The following CFAP100 variants were observed in gnomAD, a reference collection of about 807,000 sequenced individuals.
The protein encoded by CFAP100 is cilia- and flagella-associated protein 100.
A neutral mutation model predicts 81.5 loss-of-function variants in CFAP100; 70 were observed. The ratio of observed to expected loss-of-function variants is 0.86; its 90% CI spans 0.71 to 1.05. CFAP100 has a LOEUF of 1.05. Among genes scored for constraint, CFAP100 ranks in the 50% least tolerant of loss-of-function variants. The probability of loss-of-function intolerance (pLI) is 0.00; values close to 1 mark genes in which losing one functional copy is unlikely to be tolerated. For missense variants in CFAP100, 811 were observed against 776.5 expected, an observed-to-expected ratio of 1.04 and a Z score of -0.53; for synonymous variants, 341 against 314.8, an observed-to-expected ratio of 1.08 and a Z score of -0.88.
intron 4 of CFAP100, among the ~76,000 whole-genome samples, chr3:126,415,366 C>G (rs1005247241): frequency 4.0e-5 from 6 of 149,916 alleles, no homozygotes; most frequent in Admixed American, 4.0e-4. Context: ...ACCTCCCCTA[C>G]CCGGCAGGCT....
At chr3:126,435,488 G>GA in intron 15 of CFAP100, 71 bp from the exon 16 acceptor site, 1 of 1,305,578 alleles carries the variant, frequency 7.7e-7, no homozygotes, top group East Asian at 2.4e-5. Context: ...CCTGGCCTGG[G>GA]GACTCCGTGT....
chr3:126,435,555 C>G lies in CFAP100; in HGVS notation c.1629-4C>G, dbSNP rs1933412241. The G allele has an allele frequency of 1.2e-6, 2 of 1,609,758 alleles. No homozygotes were observed. Among genetic ancestry groups the G allele is most frequent in the African/African-American group, 2.7e-5 (2 of 74,892 alleles). On this transcript the variant is annotated splice_polypyrimidine_tract_variant and splice_region_variant and intron_variant, in intron 15 of 16. Coordinates refer to ENST00000352312, the MANE Select transcript of CFAP100 (RefSeq NM_182628.3). ...AGTTTTCAATGTCATTTCTTGCCAC[C>G]CAGACTTCGAGAAGAGAAGCTCCAG...
rs57416415 is a variant in CFAP100, at chr3:126,417,651, C to G, written c.419-807C>G. ...TGACTGGGGAGGCGGGACTATGACT[C>G]CCAGAGAGGAGCTGGGTCTCCTGCA... On this transcript the variant is annotated intron_variant, in intron 5 of 16. Coordinates refer to ENST00000352312, the MANE Select transcript of CFAP100 (RefSeq NM_182628.3). 4.5e-3 allele frequency among the ~76,000 whole-genome samples: 681 copies of G among 152,328 alleles called. 6 individuals are homozygous for G. The highest frequency in any genetic ancestry group is 0.015 in the African/African-American group (639 of 41,576).
intron 13 of CFAP100, 190 bp from the exon 14 acceptor site, chr3:126,432,879 T>C: frequency 2.1e-6 from 1 of 485,346 alleles, no homozygotes; most frequent in Admixed American, 3.8e-5. Flanking sequence ...GATTGTTAAA[T>C]ATTTTACATT....
intron 2 of CFAP100, among the ~76,000 whole-genome samples, chr3:126,397,065 G>C (rs572299927): frequency 4.1e-5 from 6 of 147,752 alleles, no homozygotes; most frequent in Non-Finnish European, 7.5e-5. Context: ...GTGTAGATGA[G>C]GTTTGTTCTT....
intron 3 of CFAP100, among the ~76,000 whole-genome samples, chr3:126,408,210 A>G (rs975543699): frequency 6.6e-6 from 1 of 152,140 alleles, no homozygotes; most frequent in Non-Finnish European, 1.5e-5. Context: ...TTGCCAGGAC[A>G]TTTTAAAGTA....
intron 3 of CFAP100, among the ~76,000 whole-genome samples, chr3:126,410,172 G>A (rs2083132445): frequency 6.6e-6 from 1 of 152,174 alleles, no homozygotes; most frequent in Admixed American, 6.5e-5. Context: ...CTGCACTCCA[G>A]TCTGGGCAAA....
Position 126,416,454 on chromosome 3 carries a change from G to C in CFAP100, c.364G>C (p.Glu122Gln), listed in dbSNP as rs571722477. ...GGACCTGGAGGCGCGCGCCGAGGCC[G>C]AGCATCAGCGCGCCTTCCGCGACTA... is the stretch of plus-strand genomic sequence containing the variant. ...QEDLEARAEA[E>Q]HQRAFRDYTT... Residue 122 changes from glutamate (E) to glutamine (Q), a missense_variant, in exon 5 of 17, where the codon GAG becomes CAG. By Grantham distance (29) the Glu-to-Gln change is conservative. Transcript: ENST00000352312. 6 of 1,608,308 alleles carry C rather than the reference G, an allele frequency of 3.7e-6. No homozygotes were observed. Among genetic ancestry groups the C allele is most frequent in the South Asian group, 1.1e-5 (1 of 90,526 alleles).
At chr3:126,404,706 G>A (rs927870062) in intron 2 of CFAP100, among the ~76,000 whole-genome samples, 3 of 152,072 alleles carry the variant, frequency 2.0e-5, no homozygotes, top group East Asian at 3.9e-4. Flanking sequence ...ATGGAGTCTC[G>A]CTCTGTCGCC....
intron 2 of CFAP100, among the ~76,000 whole-genome samples, chr3:126,402,899 G>T (rs188258134): frequency 6.6e-6 from 1 of 152,100 alleles, no homozygotes; most frequent in East Asian, 1.9e-4. Context: ...TGATGGTGAG[G>T]GTGCAGGTGG....
At chr3:126,433,013 A>T in intron 13 of CFAP100, 56 bp from the exon 14 acceptor site, 1 of 1,600,848 alleles carries the variant, frequency 6.2e-7, no homozygotes. Flanking sequence ...CAGAGAAGCG[A>T]TGTGCCCAGG....
chr3:126,423,487 T>C lies in CFAP100; in HGVS notation c.1135-6T>C. On this transcript the variant is annotated splice_region_variant and splice_polypyrimidine_tract_variant and intron_variant, in intron 12 of 16. Transcript: ENST00000352312. Reference sequence around the variant, plus strand: ...TCCAGTCCCTGCCAAAACCTGTGGGTTGCAGGAACCACAGCTGTACTTCAC... The same window carrying C: ...TCCAGTCCCTGCCAAAACCTGTGGGCTGCAGGAACCACAGCTGTACTTCAC... 5 of 1,613,774 alleles carry C rather than the reference T, an allele frequency of 3.1e-6. No individual in the cohort carries two copies. Among genetic ancestry groups the C allele is most frequent in the Non-Finnish European group, 1.7e-6 (2 of 1,179,890 alleles).
chr3:126,423,585 G>GAA lies in CFAP100; in HGVS notation c.1227_1228insAA (p.Glu410LysfsTer10). 1 of 1,612,274 alleles carries GAA rather than the reference G, an allele frequency of 6.2e-7. No individual in the cohort carries two copies. The highest frequency in any genetic ancestry group is 1.1e-5 in the South Asian group (1 of 90,960). ...ACCTGTCGCTGATCCAGAACAGCCA[G>GAA]GAGACGGAGAAGACCCTGGAGGAGC... On this transcript the variant is annotated frameshift_variant, in exon 13 of 17. Transcript: ENST00000352312. LOFTEE classifies it high-confidence loss of function.
intron 7 of CFAP100, 23 bp downstream of exon 7, chr3:126,418,797 C>A: frequency 1.3e-6 from 2 of 1,557,592 alleles, no homozygotes; most frequent in African/African-American, 1.4e-5. Context: ...GCCCGAGGGG[C>A]TGGCTGGGCA....
intron 2 of CFAP100, among the ~76,000 whole-genome samples, chr3:126,399,096 A>G (rs1429683239): frequency 6.6e-6 from 1 of 152,166 alleles, no homozygotes; most frequent in Non-Finnish European, 1.5e-5. Flanking sequence ...CTCCACAGGG[A>G]GGCCTCCCCT....
intron 8 of CFAP100, among the ~76,000 whole-genome samples, chr3:126,419,381 G>C (rs993530966): frequency 2.0e-4 from 31 of 152,344 alleles, no homozygotes; most frequent in African/African-American, 7.2e-4. Context: ...TGGCTCAAAG[G>C]CTTGCCCAGC....
At chr3:126,415,025 G>A (rs1025318005) in intron 4 of CFAP100, among the ~76,000 whole-genome samples, 7 of 152,138 alleles carry the variant, frequency 4.6e-5, no homozygotes, top group Non-Finnish European at 4.4e-5. Context: ...CTGGGCCTGT[G>A]GGCTGTGATT....
At chr3:126,419,277 G>A (rs753036750) in intron 8 of CFAP100, 121 bp downstream of exon 8, 32 of 657,956 alleles carry the variant, frequency 4.9e-5, no homozygotes, top group Non-Finnish European at 7.7e-5. Flanking sequence ...CAGGGACTCT[G>A]CTTCCATGAG....
intron 14 of CFAP100, 70 bp downstream of exon 14, chr3:126,433,274 C>A (rs1169344814): frequency 1.9e-6 from 3 of 1,566,776 alleles, no homozygotes; most frequent in Non-Finnish European, 2.6e-6. Context: ...CTGGAGGAGC[C>A]CTGACAGCCC....
Sources: allele counts gnomAD v4.1 joint callset (sites outside exome capture counted in the v4.1 genomes callset), GRCh38; gene constraint gnomAD v4.1.1; transcripts MANE v1.5; gene names NCBI Gene and HGNC (gene_info 2026-07-23, HGNC 2026-07-21).